TXNDC5: variants seen among roughly 807,000 people sequenced by gnomAD.
TXNDC5 encodes thioredoxin domain-containing protein 5.
Under a neutral mutation model 52.6 loss-of-function variants are expected in TXNDC5, and 44 were observed. That is an observed-to-expected ratio of 0.84 (90% confidence interval 0.66 to 1.08). The LOEUF is 1.08. TXNDC5 is among the 50% of genes least tolerant of loss of function. TXNDC5 has a pLI of 0.00. For synonymous variants in TXNDC5, 241 were observed against 234.4 expected, an observed-to-expected ratio of 1.03 and a Z score of -0.26; for missense variants, 600 against 565.5, an observed-to-expected ratio of 1.06 and a Z score of -0.62.
chr6:7,883,967 G>A (rs1033615868), intron 9 of TXNDC5, among the ~76,000 whole-genome samples: 15 of 152,116 alleles, frequency 9.9e-5, no homozygotes, highest in East Asian at 9.7e-4. Flanking sequence ...TTCAGCCACT[G>A]CATTTTATAA....
In TXNDC5 at chr6:7,895,162, A is replaced by AG; in HGVS notation, c.559dup (p.Leu187ProfsTer7). ...TGAGAGCTCATACAGCCCTTGCTTGAGCTCGGGGGCACTGGGCGGTTCCAC... is the reference window on the plus strand; with the variant it reads ...TGAGAGCTCATACAGCCCTTGCTTGAGGCTCGGGGGCACTGGGCGGTTCCAC... On this transcript the variant is annotated frameshift_variant, in exon 4 of 10. Coordinates refer to ENST00000379757, the MANE Select transcript of TXNDC5 (RefSeq NM_030810.5). LOFTEE classifies it high-confidence loss of function. 1 of 1,613,724 alleles carries AG rather than the reference A, an allele frequency of 6.2e-7. No individual in the cohort carries two copies. The highest frequency in any genetic ancestry group is 8.5e-7 in the Non-Finnish European group (1 of 1,179,892).
intron 1 of TXNDC5, among the ~76,000 whole-genome samples, chr6:7,908,705 C>A (rs1045229555): frequency 1.3e-5 from 2 of 152,038 alleles, no homozygotes; most frequent in Admixed American, 6.6e-5. Context: ...GGTGTGATGA[C>A]CTGCGCCTGT....
In TXNDC5 at chr6:7,884,124, C is replaced by T. The variant is rs555731081; in HGVS notation, c.1176+235G>A. ...CTTCACGGCCTTGTTACTCAGACAG[C>T]AAGGCCTGAAAACCTGCACTGAAAC... On this transcript the variant is annotated intron_variant, in intron 9 of 9. Transcript: ENST00000379757. Among the ~76,000 whole-genome samples the T allele has an allele frequency of 2.6e-5, 4 of 152,292 alleles. No individual in the cohort carries two copies. In the South Asian group the frequency reaches 8.3e-4, roughly 32 times the overall value.
At chr6:7,908,008 G>A (rs1760791340) in intron 1 of TXNDC5, among the ~76,000 whole-genome samples, 1 of 152,198 alleles carries the variant, frequency 6.6e-6, no homozygotes, top group Non-Finnish European at 1.5e-5. Flanking sequence ...AAATATGCCA[G>A]GTGCGGTGGC....
chr6:7,893,164 T>A (rs1367286542), intron 4 of TXNDC5, among the ~76,000 whole-genome samples: 1 of 152,230 alleles, frequency 6.6e-6, no homozygotes, highest in Non-Finnish European at 1.5e-5. Flanking sequence ...TGTTCTACCC[T>A]GACATTGGGC....
chr6:7,905,794 T>C (rs929595166), intron 1 of TXNDC5, among the ~76,000 whole-genome samples: 3 of 152,364 alleles, frequency 2.0e-5, no homozygotes, highest in South Asian at 2.1e-4. Context: ...ATGCCTACAA[T>C]GTAACCACTT....
At chr6:7,885,887 G>A in intron 8 of TXNDC5, 74 bp downstream of exon 8, 3 of 1,375,666 alleles carry the variant, frequency 2.2e-6, no homozygotes, top group Non-Finnish European at 2.0e-6. Context: ...CTGGAGGGGT[G>A]GCAGATGAGC....
At chr6:7,903,864 G>A (rs1760649228) in intron 2 of TXNDC5, among the ~76,000 whole-genome samples, 1 of 152,118 alleles carries the variant, frequency 6.6e-6, no homozygotes, top group East Asian at 1.9e-4. Flanking sequence ...CTGTTTCCCT[G>A]GCCACAGTGA....
At chr6:7,889,678 T>C (rs1485347927) in intron 5 of TXNDC5, 97 bp from the exon 6 acceptor site, 3 of 931,208 alleles carry the variant, frequency 3.2e-6, no homozygotes, top group Non-Finnish European at 4.9e-6. Flanking sequence ...AATATTCTTT[T>C]CAAAATCCAC....
intron 8 of TXNDC5, among the ~76,000 whole-genome samples, chr6:7,885,609 A>G (rs774131483): frequency 3.5e-4 from 54 of 152,350 alleles, no homozygotes; most frequent in Non-Finnish European, 6.5e-4. Context: ...AGCCAAAAAG[A>G]AAAGCCATCT....
intron 7 of TXNDC5, among the ~76,000 whole-genome samples, chr6:7,886,754 G>A (rs757802920): frequency 1.3e-5 from 2 of 152,142 alleles, no homozygotes; most frequent in South Asian, 2.1e-4. Flanking sequence ...ATGGATCTGC[G>A]ATTCTCTCCT....
chr6:7,904,551 G>T, intron 2 of TXNDC5, 23 bp downstream of exon 2: 1 of 1,611,958 alleles, frequency 6.2e-7, no homozygotes, highest in Non-Finnish European at 8.5e-7. Flanking sequence ...CCTAGGAAGT[G>T]TGCCCCCTTC....
chr6:7,900,954 CA>C (rs35535516), intron 2 of TXNDC5, among the ~76,000 whole-genome samples: 1,680 of 150,704 alleles, frequency 0.011, 26 homozygotes, highest in African/African-American at 0.034. Context: ...ACATTCAGTC[CA>C]AAAAAAAATG....
In TXNDC5 at chr6:7,891,569, T is replaced by A. The variant is rs908770136; in HGVS notation, c.732+52A>T. ...AATGAATAATGGGCCACTCTGCTAATTAATCCAGCCCAAAGCAGTCCATTT... is the reference window on the plus strand; with the variant it reads ...AATGAATAATGGGCCACTCTGCTAAATAATCCAGCCCAAAGCAGTCCATTT... On this transcript the variant is annotated intron_variant, in intron 5 of 9. Transcript: ENST00000379757. 4 of 1,480,762 alleles carry A rather than the reference T, an allele frequency of 2.7e-6. No individual in the cohort carries two copies. The African/African-American group carries it at 5.6e-5, about 21-fold the overall frequency. The allele number at this position is 1,480,762 out of a possible 1,614,324, so 91.7% of individuals were successfully genotyped here.
Position 7,888,854 on chromosome 6 carries a change from C to T in TXNDC5, c.820-6G>A, listed in dbSNP as rs1267955244. 8 of 1,604,436 alleles carry T rather than the reference C, an allele frequency of 5.0e-6. No homozygotes were observed. The highest frequency in any genetic ancestry group is 4.5e-5 in the East Asian group (2 of 44,464). On this transcript the variant is annotated splice_region_variant and splice_polypyrimidine_tract_variant and intron_variant, in intron 6 of 9. Coordinates refer to ENST00000379757, the MANE Select transcript of TXNDC5 (RefSeq NM_030810.5). ...TTTCCCTTGTACTGATCCACCTGGC[C>T]AAGACACGGGCACGCGGCTGAGTGA...
At chr6:7,887,716 T>C (rs7740840) in intron 7 of TXNDC5, among the ~76,000 whole-genome samples, 5,688 of 152,196 alleles carry the variant, frequency 0.037, 193 homozygotes, top group African/African-American at 0.091. Flanking sequence ...CAGTTCCTAA[T>C]CCTTGGCCAG....
At chr6:7,887,919 T>C (rs1472124068) in intron 7 of TXNDC5, among the ~76,000 whole-genome samples, 1 of 152,030 alleles carries the variant, frequency 6.6e-6, no homozygotes, top group African/African-American at 2.4e-5. Flanking sequence ...CCAGCACAGA[T>C]CCCGTCAATC....
At position 7,889,564 on chromosome 6, in the gene TXNDC5, G is replaced by C. The variant is rs759860749; in HGVS notation, c.750C>G (p.His250Gln). The C allele has an allele frequency of 1.5e-5, 24 of 1,613,192 alleles. No homozygotes were observed. Among genetic ancestry groups the C allele is most frequent in the South Asian group, 2.2e-5 (2 of 91,070 alleles). The change falls in exon 6 of 10, where the codon CAC (histidine) becomes CAG (glutamine). Residue 250 changes from histidine to glutamine, a missense_variant. His to Gln is a conservative substitution (Grantham distance 24, BLOSUM62 0). Coordinates refer to ENST00000379757, the MANE Select transcript of TXNDC5 (RefSeq NM_030810.5). ...CCTGGTTTCCGGAGCAGAGTTCATA[G>C]TGCTGTGTACAATCAACCTGAGAAT... ...VKIGKVDCTQ[H>Q]YELCSGNQVR...
At chr6:7,903,308 G>C (rs2113363697) in intron 2 of TXNDC5, among the ~76,000 whole-genome samples, 1 of 152,244 alleles carries the variant, frequency 6.6e-6, no homozygotes, top group East Asian at 1.9e-4. Flanking sequence ...TATCTCCATT[G>C]ATCTGATTTA....
Sources: allele counts gnomAD v4.1 joint callset (sites outside exome capture counted in the v4.1 genomes callset), GRCh38; gene constraint gnomAD v4.1.1; transcripts MANE v1.5; gene names NCBI Gene and HGNC (gene_info 2026-07-23, HGNC 2026-07-21).